RAPGEF1: variants seen among roughly 807,000 people sequenced by gnomAD.
The protein encoded by RAPGEF1 is CRK SH3-binding GNRP.
A neutral mutation model predicts 143.3 loss-of-function variants in RAPGEF1; 33 were observed. The observed-to-expected ratio is 0.23, with a 90% confidence interval of 0.17 to 0.31. RAPGEF1 has a LOEUF of 0.31. Ranked by LOEUF, RAPGEF1 falls within the 10% of genes least tolerant of loss-of-function variation. RAPGEF1 has a pLI of 1.00. For missense variants in RAPGEF1, 1,199 were observed against 1,645.4 expected (o/e 0.73, Z 4.69); for synonymous variants, 629 against 676.5 (o/e 0.93, Z 1.09).
At position 131,626,213 on chromosome 9, in the gene RAPGEF1, G is replaced by A. The variant is rs567525549; in HGVS notation, c.1411C>T (p.Pro471Ser). 1.2e-6 allele frequency: 2 copies of A among 1,613,898 alleles called. No homozygotes were observed. Among genetic ancestry groups the A allele is most frequent in the African/African-American group, 1.3e-5 (1 of 75,040 alleles). ...LAPGQQTDTP[P>S]ALPEKKRRSA... ...CTGCGCTTCTTCTCGGGGAGAGCAG[G>A]TGGCGTATCTGTCTGCTGCCCTGGG... The change falls in exon 10 of 27, where the codon CCT becomes TCT. Residue 471 changes from proline (P) to serine (S), a missense_variant. Transcript: ENST00000683357.
At chr9:131,680,479 C>T (rs11999474) in intron 1 of RAPGEF1, among the ~76,000 whole-genome samples, 2,458 of 152,296 alleles carry the variant, frequency 0.016, 58 homozygotes, top group African/African-American at 0.056. Context: ...ATAATGCCCA[C>T]GCTGGAAGGT....
intron 1 of RAPGEF1, among the ~76,000 whole-genome samples, chr9:131,682,208 A>G (rs1326211918): frequency 6.6e-6 from 1 of 152,244 alleles, no homozygotes. Context: ...GATAGGGGAA[A>G]AAAGAAAACT....
At chr9:131,640,963 C>T (rs1456296898) in intron 4 of RAPGEF1, among the ~76,000 whole-genome samples, 1 of 152,156 alleles carries the variant, frequency 6.6e-6, no homozygotes, top group African/African-American at 2.4e-5. Flanking sequence ...TACCAGAAAA[C>T]AAACCATATT....
intron 1 of RAPGEF1, among the ~76,000 whole-genome samples, chr9:131,715,277 G>C (rs1377377888): frequency 6.6e-6 from 1 of 152,140 alleles, no homozygotes; most frequent in Non-Finnish European, 1.5e-5. Flanking sequence ...AATTCAGGGT[G>C]GGGGACGCAT....
intron 1 of RAPGEF1, among the ~76,000 whole-genome samples, chr9:131,729,005 G>A (rs574266796): frequency 6.6e-6 from 1 of 152,304 alleles, no homozygotes; most frequent in East Asian, 1.9e-4. Flanking sequence ...TGACACAGGA[G>A]GGCTGGTATC....
intron 12 of RAPGEF1, among the ~76,000 whole-genome samples, chr9:131,608,192 C>A (rs1031155806): frequency 4.6e-5 from 7 of 152,206 alleles, no homozygotes; most frequent in Non-Finnish European, 1.0e-4. Flanking sequence ...AGACGCAGAG[C>A]GCTGCGTGCA....
chr9:131,609,152 C>A lies in RAPGEF1; in HGVS notation c.2062-3964G>T, dbSNP rs536843022. ...CCTGGCCCCCAATGTCAGCCCTGGT[C>A]ACATAGCCAGTCGAAACACAGCAGG... On this transcript the variant is annotated intron_variant, in intron 12 of 26. Transcript: ENST00000683357. 1.5e-3 allele frequency among the ~76,000 whole-genome samples: 221 copies of A among 152,116 alleles called. 1 individual carries two copies. Among genetic ancestry groups the A allele is most frequent in the Middle Eastern group, 3.4e-3 (1 of 292 alleles).
chr9:131,599,498 G>A (rs919255125), intron 15 of RAPGEF1, among the ~76,000 whole-genome samples: 1 of 151,300 alleles, frequency 6.6e-6, no homozygotes, highest in Admixed American at 6.6e-5. Context: ...GCCCAGAAGG[G>A]TACCATGAGC....
chr9:131,663,266 T>C (rs1011089007), intron 1 of RAPGEF1, among the ~76,000 whole-genome samples: 3 of 152,202 alleles, frequency 2.0e-5, no homozygotes, highest in African/African-American at 7.2e-5. Context: ...GCAAATTTAT[T>C]TTTCATCAAA....
At chr9:131,682,858 T>C (rs1183131757) in intron 1 of RAPGEF1, among the ~76,000 whole-genome samples, 1 of 152,222 alleles carries the variant, frequency 6.6e-6, no homozygotes, top group Admixed American at 6.5e-5. Flanking sequence ...TCTACAGCAC[T>C]GGCCGTCCGT....
At chr9:131,699,860 C>A (rs1409778205) in intron 1 of RAPGEF1, among the ~76,000 whole-genome samples, 1 of 152,164 alleles carries the variant, frequency 6.6e-6, no homozygotes, top group Non-Finnish European at 1.5e-5. Flanking sequence ...CTCACCCAGT[C>A]TCATAGCTTT....
rs374445101 is a variant in RAPGEF1, at chr9:131,582,610, C to T, written c.3507G>A (p.Pro1169=). 6.6e-6 allele frequency: 10 copies of T among 1,524,010 alleles called. No individual in the cohort carries two copies. The highest frequency in any genetic ancestry group is 1.7e-4 in the Middle Eastern group (1 of 5,788). The allele number at this position is 1,524,010 out of a possible 1,614,324, so 94.4% of individuals were successfully genotyped here. Residue 1169 remains proline, a synonymous_variant, in exon 25 of 27, where the codon CCG becomes CCA. Coordinates refer to ENST00000683357, the MANE Select transcript of RAPGEF1 (RefSeq NM_001377935.1). ...CTGGAGGGGCTGCTACTCACAGGTACGGGATGCACGGCGGTTCCACCTCCG... is the reference window on the plus strand; with the variant it reads ...CTGGAGGGGCTGCTACTCACAGGTATGGGATGCACGGCGGTTCCACCTCCG... The part of the protein sequence containing the change: ...ALSEVEPPCI[P]YLGLILQDLT...
At chr9:131,693,250 T>A (rs1475758237) in intron 1 of RAPGEF1, among the ~76,000 whole-genome samples, 2 of 152,204 alleles carry the variant, frequency 1.3e-5, no homozygotes, top group Non-Finnish European at 2.9e-5. Flanking sequence ...GCTGATGCCC[T>A]AAGTTTTGGT....
rs763064308 is a variant in RAPGEF1, at chr9:131,628,145, G to A, written c.1018-49C>T. On this transcript the variant is annotated intron_variant, in intron 8 of 26. Coordinates refer to ENST00000683357, the MANE Select transcript of RAPGEF1 (RefSeq NM_001377935.1). The surrounding 1 kb of genome is among the most constrained non-coding windows in gnomAD (Gnocchi z 5.7). ...AGCCAAATCACTTCTGAGAAACGGT[G>A]GCACAGACCAGGGGTGAGGCAACCG... 37 of 1,461,996 alleles carry A rather than the reference G, an allele frequency of 2.5e-5. 1 individual carries two copies. The South Asian group carries it at 4.8e-4, about 19-fold the overall frequency. 90.6% of individuals were successfully genotyped at this position (1,461,996 alleles called of 1,614,324 possible).
chr9:131,701,725 T>C (rs1045485084), intron 1 of RAPGEF1, among the ~76,000 whole-genome samples: 1 of 152,250 alleles, frequency 6.6e-6, no homozygotes, highest in Non-Finnish European at 1.5e-5. Context: ...ATTATATCAC[T>C]GTTATATTGC....
chr9:131,701,750 A>C (rs1363499938), intron 1 of RAPGEF1, among the ~76,000 whole-genome samples: 8 of 152,188 alleles, frequency 5.3e-5, no homozygotes, highest in Admixed American at 2.6e-4. Context: ...CTAACTTAGG[A>C]GACACAAAGC....
chr9:131,659,805 A>G (rs1312974205), intron 1 of RAPGEF1, among the ~76,000 whole-genome samples: 2 of 151,136 alleles, frequency 1.3e-5, no homozygotes, highest in Non-Finnish European at 2.9e-5. Flanking sequence ...TCGAGCCAAA[A>G]GCAACCTGGA....
At chr9:131,602,484 TCTC>T (rs1956433475) in intron 14 of RAPGEF1, among the ~76,000 whole-genome samples, 1 of 151,968 alleles carries the variant, frequency 6.6e-6, no homozygotes, top group Non-Finnish European at 1.5e-5. Flanking sequence ...TGTGCCCACT[TCTC>T]CTCATTTGAC....
chr9:131,609,133 C>G (rs1319212222), intron 12 of RAPGEF1, among the ~76,000 whole-genome samples: 1 of 152,128 alleles, frequency 6.6e-6, no homozygotes, highest in African/African-American at 2.4e-5. Context: ...GGTGCCTGGC[C>G]CCCAATGTCA....
Sources: gnomAD v4.1 joint callset for allele counts (sites outside exome capture counted in the v4.1 genomes callset) on GRCh38, gnomAD v4.1.1 for gene constraint, Gnocchi (gnomAD v3.1) non-coding constraint, MANE v1.5 for transcripts, NCBI Gene and HGNC (gene_info 2026-07-23, HGNC 2026-07-21) for gene names.